SYT16: variants seen among roughly 807,000 people sequenced by gnomAD.
SYT16 encodes synaptotagmin-16.
In SYT16, 42 loss-of-function variants were observed where a neutral mutation model predicts 61.4. That is an observed-to-expected ratio of 0.68 (90% CI 0.53 to 0.89). The LOEUF is 0.89. Among genes scored for constraint, SYT16 ranks in the 40% least tolerant of loss-of-function variants. The pLI, the probability that SYT16 is intolerant of heterozygous loss-of-function variation, is 0.00. For missense variants in SYT16, 804 were observed against 807.3 expected, an observed-to-expected ratio of 1.00 and a Z score of 0.05; for synonymous variants, 314 against 302.3, an observed-to-expected ratio of 1.04 and a Z score of -0.40.
At chr14:62,087,881 G>A (rs1016467171) in intron 7 of SYT16, among the ~76,000 whole-genome samples, 1 of 152,146 alleles carries the variant, frequency 6.6e-6, no homozygotes, top group African/African-American at 2.4e-5. Context: ...ATGGGCTGGA[G>A]GTAGTGGGGC....
intron 5 of SYT16, among the ~76,000 whole-genome samples, chr14:62,080,242 G>A (rs902872357): frequency 2.6e-5 from 4 of 152,222 alleles, no homozygotes; most frequent in Non-Finnish European, 4.4e-5. Flanking sequence ...GAAATGGCAG[G>A]ATCTCAAGCT....
Position 61,995,998 on chromosome 14 carries a change from T to G in SYT16, c.-22T>G. 6.4e-7 allele frequency: 1 copy of G among 1,560,408 alleles called. No individual in the cohort carries two copies. The highest frequency in any genetic ancestry group is 8.7e-7 in the Non-Finnish European group (1 of 1,154,710). On this transcript the variant is annotated 5_prime_UTR_variant, in exon 3 of 8. Transcript: ENST00000683842. ...CTGAAGGAACTGAACAACTGGACAC[T>G]GTAGACATCAGATAGCTGGCCATGG...
chr14:61,915,498 C>CT (rs1027022010), intron 1 of SYT16, among the ~76,000 whole-genome samples: 7 of 151,048 alleles, frequency 4.6e-5, no homozygotes, highest in East Asian at 1.9e-4. Flanking sequence ...TTTAGGACAA[C>CT]TTTTTTTTTA....
Position 61,927,683 on chromosome 14 carries a change from A to C in SYT16, c.-324-42449A>C, listed in dbSNP as rs147223350. 8.7e-3 allele frequency among the ~76,000 whole-genome samples: 1,326 copies of C among 152,290 alleles called. 8 individuals are homozygous for C. The highest frequency in any genetic ancestry group is 0.031 in the Middle Eastern group (9 of 294). On this transcript the variant is annotated intron_variant, in intron 1 of 7. Transcript: ENST00000683842. ...CCAGTTTCTCTACCTCCTCGTTAGC[A>C]AACATTCCTTTGGTGAGTCTCACAC...
At chr14:61,935,010 G>A (rs1490397309) in intron 1 of SYT16, among the ~76,000 whole-genome samples, 1 of 152,078 alleles carries the variant, frequency 6.6e-6, no homozygotes, top group South Asian at 2.1e-4. Flanking sequence ...TAAATTTAAG[G>A]TGTGCAACAT....
intron 1 of SYT16, among the ~76,000 whole-genome samples, chr14:61,897,945 C>T (rs562901714): frequency 2.0e-4 from 31 of 152,248 alleles, no homozygotes; most frequent in Admixed American, 3.3e-4. Context: ...TTGCTGCACA[C>T]GTGGTTCTTC....
At chr14:61,995,300 T>C (rs2052719353) in intron 2 of SYT16, among the ~76,000 whole-genome samples, 1 of 152,102 alleles carries the variant, frequency 6.6e-6, no homozygotes, top group African/African-American at 2.4e-5. Context: ...GGACATGTCT[T>C]CAGTAAGCTA....
intron 1 of SYT16, among the ~76,000 whole-genome samples, chr14:61,905,408 T>TA (rs1566668054): frequency 6.6e-6 from 1 of 152,260 alleles, no homozygotes; most frequent in Non-Finnish European, 1.5e-5. Flanking sequence ...TGCAATTACT[T>TA]ATGCACCAAA....
chr14:62,047,917 G>T (rs1401788165), intron 3 of SYT16, among the ~76,000 whole-genome samples: 1 of 152,222 alleles, frequency 6.6e-6, no homozygotes, highest in Non-Finnish European at 1.5e-5. Context: ...GTTCATCAAG[G>T]ATATTCGTCT....
intron 1 of SYT16, among the ~76,000 whole-genome samples, chr14:61,954,308 CTT>C (rs35213867): frequency 0.058 from 7,958 of 138,026 alleles, 463 homozygotes; most frequent in African/African-American, 0.15. Context: ...ATTGGTTAGC[CTT>C]TTTTTTTTTT....
intron 1 of SYT16, among the ~76,000 whole-genome samples, chr14:61,929,421 G>T (rs879928068): frequency 4.6e-5 from 7 of 152,328 alleles, no homozygotes; most frequent in Middle Eastern, 3.4e-3. Context: ...CAGGTGAAGA[G>T]GAGAGATTCA....
intron 3 of SYT16, among the ~76,000 whole-genome samples, chr14:62,005,289 T>C (rs1400985182): frequency 6.6e-6 from 1 of 152,156 alleles, no homozygotes; most frequent in African/African-American, 2.4e-5. Flanking sequence ...AGCAAGCCTT[T>C]ATTGAGACTT....
chr14:61,849,964 A>AT (rs1211703832), intron 1 of SYT16, among the ~76,000 whole-genome samples: 1 of 151,838 alleles, frequency 6.6e-6, no homozygotes, highest in African/African-American at 2.4e-5. Context: ...ACATTTCCAT[A>AT]TTTTTTTCCA....
At chr14:62,088,633 A>G (rs2140994290) in intron 7 of SYT16, among the ~76,000 whole-genome samples, 1 of 152,366 alleles carries the variant, frequency 6.6e-6, no homozygotes, top group South Asian at 2.1e-4. Flanking sequence ...TTAAAAAAGT[A>G]CTGTAAAATA....
At chr14:61,840,943 T>C (rs994196533) in intron 1 of SYT16, among the ~76,000 whole-genome samples, 1 of 152,014 alleles carries the variant, frequency 6.6e-6, no homozygotes, top group Non-Finnish European at 1.5e-5. Context: ...AGGGGAGAGA[T>C]GGAGGTGTGA....
At chr14:61,838,055 G>A (rs1344524925) in intron 1 of SYT16, among the ~76,000 whole-genome samples, 1 of 152,196 alleles carries the variant, frequency 6.6e-6, no homozygotes, top group Non-Finnish European at 1.5e-5. Context: ...AGCAAGAATA[G>A]GTCAATGTTA....
intron 1 of SYT16, among the ~76,000 whole-genome samples, chr14:61,949,479 A>G (rs1002904044): frequency 1.3e-5 from 2 of 152,036 alleles, no homozygotes; most frequent in African/African-American, 2.4e-5. Flanking sequence ...AGACTTTGCT[A>G]TGTTGCTCAG....
intron 1 of SYT16, chr14:61,832,330 C>T: frequency 3.4e-6 from 2 of 581,908 alleles, no homozygotes; most frequent in Non-Finnish European, 6.8e-6. Context: ...GTGGAAATTG[C>T]TCGCTTGCCA....
chr14:62,091,467 G>C (rs543246230), intron 7 of SYT16, among the ~76,000 whole-genome samples: 1 of 152,100 alleles, frequency 6.6e-6, no homozygotes, highest in Non-Finnish European at 1.5e-5. Flanking sequence ...AAACAGGAGC[G>C]GTAGGAAAAA....
Sources: allele counts gnomAD v4.1 joint callset (sites outside exome capture counted in the v4.1 genomes callset), GRCh38; gene constraint gnomAD v4.1.1; transcripts MANE v1.5; gene names NCBI Gene and HGNC (gene_info 2026-07-23, HGNC 2026-07-21).